SEMA5B: variants seen among roughly 807,000 people sequenced by gnomAD.
SEMA5B encodes semaphorin-5B.
In SEMA5B, 66 loss-of-function variants were observed where a neutral mutation model predicts 135.0. That is an observed-to-expected ratio of 0.49 (90% confidence interval 0.40 to 0.60). The LOEUF (loss-of-function observed/expected upper bound fraction) is 0.60. Among genes scored for constraint, SEMA5B ranks in the 20% least tolerant of loss-of-function variants. The pLI is 0.00. For missense variants in SEMA5B, 1,501 were observed against 1,566.3 expected (o/e 0.96, Z 0.70); for synonymous variants, 690 against 639.5 (o/e 1.08, Z -1.19).
intron 1 of SEMA5B, among the ~76,000 whole-genome samples, chr3:123,002,401 C>T (rs1013039892): frequency 2.6e-5 from 4 of 152,322 alleles, no homozygotes; most frequent in South Asian, 2.1e-4. Context: ...GGATAATCAC[C>T]GTTCTAAGTA....
intron 1 of SEMA5B, among the ~76,000 whole-genome samples, chr3:123,025,318 G>A (rs1576416132): frequency 1.3e-5 from 2 of 152,034 alleles, no homozygotes; most frequent in South Asian, 4.2e-4. Flanking sequence ...GGGTCATCAG[G>A]CACCTTGCTG....
chr3:122,923,835 T>A (rs1161852083), intron 9 of SEMA5B, 83 bp from the exon 10 acceptor site: 2 of 1,503,998 alleles, frequency 1.3e-6, no homozygotes, highest in Non-Finnish European at 1.8e-6. Context: ...AGCTGTCATG[T>A]CCAATTCCCA....
At chr3:122,928,086 T>A in intron 7 of SEMA5B, 83 bp from the exon 8 acceptor site, 1 of 1,000,110 alleles carries the variant, frequency 1.0e-6, no homozygotes, top group Non-Finnish European at 1.4e-6. Flanking sequence ...TGTTTCCTCC[T>A]GTGCCCCAGT....
Position 122,987,217 on chromosome 3 carries a change from G to A in SEMA5B, c.-38-25916C>T, listed in dbSNP as rs1439374130. Among the ~76,000 whole-genome samples, 5 of 152,242 alleles carry A rather than the reference G, an allele frequency of 3.3e-5. No homozygotes were observed. In the East Asian group the frequency reaches 7.7e-4, roughly 24 times the overall value. On this transcript the variant is annotated intron_variant, in intron 1 of 22. Transcript: ENST00000357599. ...ATTGGAGAGGGTAAAGTCCTGGGAA[G>A]GGAAAAATGCAGGTGGAGGGGGGAA... is the stretch of plus-strand genomic sequence containing the variant.
intron 12 of SEMA5B, among the ~76,000 whole-genome samples, chr3:122,919,674 T>TGTCTGTGTG (rs1938253009): frequency 6.6e-6 from 1 of 152,244 alleles, no homozygotes; most frequent in African/African-American, 2.4e-5. Flanking sequence ...ACTCCTGGGG[T>TGTCTGTGTG]ACACAGCTTG....
At chr3:122,959,251 C>T (rs1281030254) in intron 2 of SEMA5B, among the ~76,000 whole-genome samples, 3 of 152,170 alleles carry the variant, frequency 2.0e-5, no homozygotes, top group South Asian at 2.1e-4. Context: ...TTGTAATCGT[C>T]GCCATTTCGT....
intron 1 of SEMA5B, among the ~76,000 whole-genome samples, chr3:122,997,086 T>A (rs1342077767): frequency 6.6e-6 from 1 of 152,244 alleles, no homozygotes; most frequent in Non-Finnish European, 1.5e-5. Context: ...TTTTTTCTTG[T>A]GAATTCAACA....
At position 122,948,685 on chromosome 3, in the gene SEMA5B, C is replaced by T. The variant is rs34652807; in HGVS notation, c.149G>A (p.Gly50Glu). 1,116 of 1,606,674 alleles carry T rather than the reference C, an allele frequency of 6.9e-4. 9 individuals carry two copies. In the African/African-American group the frequency reaches 0.013, roughly 18 times the overall value. Residue 50 changes from glycine (G) to glutamate (E), a missense_variant, in exon 3 of 23, where the codon GGA (glycine) becomes GAA (glutamate). Physicochemically the swap from Gly to Glu is moderately conservative, Grantham distance 98. Around this residue, in one of 2 missense-constraint regions of SEMA5B, gnomAD observed 574 missense variants for 684.7 expected, o/e 0.84. Transcript: ENST00000357599. ...GATAGGCCCCTCTGCAGTCCTAGCT[C>T]CGGGAGGCAGACAGGGGAGAAGACC... is the stretch of plus-strand genomic sequence containing the variant. ...VRGLLPCLPP[G>E]ARTAEGPIMV...
At position 122,998,051 on chromosome 3, in the gene SEMA5B, G is replaced by A. The variant is rs149331709; in HGVS notation, c.-39+29413C>T. On this transcript the variant is annotated intron_variant, in intron 1 of 22. Transcript: ENST00000357599. ...GGTGACAGTGATGTACCTGGCTGAG[G>A]CAGCTCTCAGCAGCAAGGCCACAGC... 3.7e-3 allele frequency among the ~76,000 whole-genome samples: 560 copies of A among 152,288 alleles called. 9 individuals carry two copies. The highest frequency in any genetic ancestry group is 0.029 in the Admixed American group (446 of 15,304).
intron 1 of SEMA5B, among the ~76,000 whole-genome samples, chr3:123,002,663 C>A (rs1942208366): frequency 6.6e-6 from 1 of 152,330 alleles, no homozygotes; most frequent in Non-Finnish European, 1.5e-5. Context: ...GAAGCCCCGA[C>A]CTGCAGACAT....
intron 13 of SEMA5B, 34 bp from the exon 14 acceptor site, chr3:122,915,655 A>G: frequency 6.2e-7 from 1 of 1,601,530 alleles, no homozygotes; most frequent in Non-Finnish European, 8.5e-7. Flanking sequence ...TACCCCTATT[A>G]CCCAAGCCAA....
intron 1 of SEMA5B, among the ~76,000 whole-genome samples, chr3:122,978,506 A>C (rs558108555): frequency 7.9e-5 from 12 of 152,134 alleles, no homozygotes; most frequent in Admixed American, 2.6e-4. Context: ...ACTCCCATAG[A>C]CTGGTGATTA....
At position 122,911,270 on chromosome 3, in the gene SEMA5B, G is replaced by T. The variant is rs377592257; in HGVS notation, c.3091+221C>A. The T allele has an allele frequency of 9.5e-5, 129 of 1,352,318 alleles. No individual in the cohort carries two copies. In the African/African-American group the frequency reaches 1.7e-3, roughly 18 times the overall value. The allele number at this position is 1,352,318 out of a possible 1,614,324, so 83.8% of individuals were successfully genotyped here. Reference sequence around the variant, plus strand: ...TCAGAGGTGGCAACCAGAGGGTCTAGAGTCAGATGACTCTTCCTTGGGTAC... The same window carrying T: ...TCAGAGGTGGCAACCAGAGGGTCTATAGTCAGATGACTCTTCCTTGGGTAC... On this transcript the variant is annotated intron_variant, in intron 21 of 22. Coordinates refer to ENST00000357599, the MANE Select transcript of SEMA5B (RefSeq NM_001031702.4).
At chr3:122,934,970 G>A (rs1336967582) in intron 5 of SEMA5B, among the ~76,000 whole-genome samples, 1 of 152,138 alleles carries the variant, frequency 6.6e-6, no homozygotes, top group East Asian at 1.9e-4. Context: ...ACAGGGACGT[G>A]GGGGGATGTA....
At chr3:122,931,212 T>A (rs1938957199) in intron 5 of SEMA5B, among the ~76,000 whole-genome samples, 1 of 152,188 alleles carries the variant, frequency 6.6e-6, no homozygotes, top group South Asian at 2.1e-4. Flanking sequence ...TTCTCTGTTT[T>A]TTAAAATCGA....
At chr3:123,006,078 T>A (rs887821586) in intron 1 of SEMA5B, among the ~76,000 whole-genome samples, 6 of 152,236 alleles carry the variant, frequency 3.9e-5, no homozygotes, top group African/African-American at 1.4e-4. Context: ...CAAATGTGAC[T>A]GTGCTCTGTC....
chr3:123,003,648 C>T (rs1942235816), intron 1 of SEMA5B, among the ~76,000 whole-genome samples: 1 of 152,092 alleles, frequency 6.6e-6, no homozygotes, highest in Admixed American at 6.5e-5. Flanking sequence ...GCCTGGCTAA[C>T]ATGGTGAAAC....
At chr3:122,974,045 G>C (rs1292371579) in intron 1 of SEMA5B, among the ~76,000 whole-genome samples, 1 of 152,200 alleles carries the variant, frequency 6.6e-6, no homozygotes, top group Non-Finnish European at 1.5e-5. Flanking sequence ...TCAGTGCCCA[G>C]ATCCATCTGG....
intron 1 of SEMA5B, among the ~76,000 whole-genome samples, chr3:122,968,238 A>G (rs1040377130): frequency 1.3e-5 from 2 of 152,222 alleles, no homozygotes; most frequent in African/African-American, 2.4e-5. Context: ...CCTCCTTCAC[A>G]GTTTAATTTG....
Sources: allele counts gnomAD v4.1 joint callset (sites outside exome capture counted in the v4.1 genomes callset), GRCh38; gene constraint gnomAD v4.1.1; regional missense constraint gnomAD v4.1.1; transcripts MANE v1.5; gene names NCBI Gene and HGNC (gene_info 2026-07-23, HGNC 2026-07-21).